Variants in CTNNA3 observed in about 807,000 individuals in gnomAD.
CTNNA3 encodes the protein catenin alpha-3.
In CTNNA3, 76 loss-of-function variants were observed where a neutral mutation model predicts 95.7. The ratio of observed to expected loss-of-function variants is 0.79; its 90% CI spans 0.66 to 0.96. The LOEUF (loss-of-function observed/expected upper bound fraction) is 0.96, where lower values mean the gene tolerates loss of function less well. Ranked by LOEUF, CTNNA3 falls within the 40% of genes least tolerant of loss-of-function variation. The probability of loss-of-function intolerance (pLI) is 0.00; values close to 1 mark genes in which losing one functional copy is unlikely to be tolerated. For synonymous variants in CTNNA3, 431 were observed against 374.4 expected (o/e 1.15, Z -1.74); for missense variants, 1,191 against 1,089.8 (o/e 1.09, Z -1.31).
At chr10:66,812,827 AT>A (rs1293889731) in intron 7 of CTNNA3, among the ~76,000 whole-genome samples, 2 of 152,122 alleles carry the variant, frequency 1.3e-5, no homozygotes, top group Non-Finnish European at 2.9e-5. Flanking sequence ...ATTTATCACA[AT>A]TTTTTTATCT....
rs561571648 is a variant in CTNNA3 at position 67,743,346 on chromosome 10, C to T, written c.-2+20088G>A. ...TCCCTGGGATGCAAGGCTGGTTCAA[C>T]ATACGCAAATCAATAAATGTAATCC... On this transcript the variant is annotated intron_variant, in intron 1 of 17. Coordinates refer to the CTNNA3 transcript ENST00000684154. 3.2e-3 allele frequency among the ~76,000 whole-genome samples: 488 copies of T among 151,198 alleles called. 9 individuals carry two copies. The highest frequency in any genetic ancestry group is 0.011 in the African/African-American group (441 of 41,294).
chr10:66,612,094 A>T (rs867783685), intron 10 of CTNNA3, among the ~76,000 whole-genome samples: 5 of 152,276 alleles, frequency 3.3e-5, no homozygotes, highest in African/African-American at 1.2e-4. Flanking sequence ...TTTCCCAGGT[A>T]CTAGGCTATA....
intron 15 of CTNNA3, among the ~76,000 whole-genome samples, chr10:66,055,526 G>T (rs1323478415): frequency 6.6e-6 from 1 of 151,908 alleles, no homozygotes; most frequent in Non-Finnish European, 1.5e-5. Flanking sequence ...GCTTGCTGTT[G>T]TTATATAGAA....
At chr10:67,539,708 T>G (rs775652148) in intron 3 of CTNNA3, 39 bp from the exon 4 acceptor site, 4 of 1,575,804 alleles carry the variant, frequency 2.5e-6, no homozygotes, top group South Asian at 1.1e-5. Context: ...ACTTTAAGTT[T>G]CAACTATGCC....
chr10:65,968,313 C>T (rs1026720498), intron 16 of CTNNA3, among the ~76,000 whole-genome samples: 1 of 152,026 alleles, frequency 6.6e-6, no homozygotes, highest in African/African-American at 2.4e-5. Context: ...GAAGTTAATG[C>T]TGCAGTGAGC....
intron 7 of CTNNA3, among the ~76,000 whole-genome samples, chr10:66,897,358 G>C (rs1393970830): frequency 6.6e-6 from 1 of 151,926 alleles, no homozygotes; most frequent in Non-Finnish European, 1.5e-5. Context: ...AACAAGATAA[G>C]TTACACTTCT....
At chr10:66,024,332 G>A (rs925260565) in intron 15 of CTNNA3, among the ~76,000 whole-genome samples, 3 of 151,892 alleles carry the variant, frequency 2.0e-5, no homozygotes, top group African/African-American at 7.3e-5. Context: ...CTCGTGATCC[G>A]CCCACCTCGG....
At chr10:67,617,347 A>G (rs1203434453) in intron 2 of CTNNA3, among the ~76,000 whole-genome samples, 1 of 152,066 alleles carries the variant, frequency 6.6e-6, no homozygotes, top group Non-Finnish European at 1.5e-5. Context: ...GTGAGCACAC[A>G]AGTGGTATTT....
At chr10:66,852,066 G>A (rs527632674) in intron 7 of CTNNA3, among the ~76,000 whole-genome samples, 3 of 152,176 alleles carry the variant, frequency 2.0e-5, no homozygotes, top group South Asian at 2.1e-4. Context: ...ACAGTGTCAC[G>A]ATAAAGGTCA....
intron 7 of CTNNA3, among the ~76,000 whole-genome samples, chr10:67,015,951 TTC>T (rs1432757969): frequency 6.6e-6 from 1 of 152,182 alleles, no homozygotes; most frequent in Non-Finnish European, 1.5e-5. Context: ...TCTATTTTAT[TTC>T]TGTCATTTTT....
intron 7 of CTNNA3, among the ~76,000 whole-genome samples, chr10:67,171,194 T>C (rs1862001898): frequency 6.6e-6 from 1 of 152,208 alleles, no homozygotes; most frequent in African/African-American, 2.4e-5. Context: ...GGTCATGGTT[T>C]TTGTACCATT....
intron 9 of CTNNA3, among the ~76,000 whole-genome samples, chr10:66,743,579 T>C (rs1025138312): frequency 1.7e-4 from 26 of 152,136 alleles, no homozygotes; most frequent in African/African-American, 5.6e-4. Flanking sequence ...ATCCACCTAA[T>C]TGGATTGTAA....
intron 10 of CTNNA3, among the ~76,000 whole-genome samples, chr10:66,579,468 A>C (rs188781369): frequency 2.0e-5 from 3 of 151,514 alleles, no homozygotes; most frequent in East Asian, 1.9e-4. Flanking sequence ...GGAGATTTCA[A>C]CTCCTACCAC....
At chr10:66,310,164 T>A (rs964375865) in intron 12 of CTNNA3, among the ~76,000 whole-genome samples, 5 of 151,766 alleles carry the variant, frequency 3.3e-5, no homozygotes, top group African/African-American at 1.2e-4. Flanking sequence ...TCAATGGCCT[T>A]TTTTAGAATA....
intron 7 of CTNNA3, among the ~76,000 whole-genome samples, chr10:66,965,565 GTTT>G (rs33920200): frequency 0.18 from 24,455 of 134,648 alleles, 2,192 homozygotes; most frequent in Middle Eastern, 0.21. Context: ...AAAAAAAGCT[GTTT>G]TTTTTTTTTT....
chr10:67,244,457 G>A (rs1865834083), intron 5 of CTNNA3, among the ~76,000 whole-genome samples: 1 of 152,110 alleles, frequency 6.6e-6, no homozygotes, highest in Non-Finnish European at 1.5e-5. Flanking sequence ...GGAAAACAGA[G>A]GTAACTTAGG....
chr10:66,888,628 G>C (rs1845141234), intron 7 of CTNNA3, among the ~76,000 whole-genome samples: 1 of 151,968 alleles, frequency 6.6e-6, no homozygotes, highest in African/African-American at 2.4e-5. Flanking sequence ...CTGTGGAAAA[G>C]ATGCTTCACA....
intron 2 of CTNNA3, among the ~76,000 whole-genome samples, chr10:67,627,699 T>A (rs1043083598): frequency 2.0e-5 from 3 of 152,096 alleles, no homozygotes; most frequent in African/African-American, 4.8e-5. Context: ...TATATCTGTA[T>A]CTGTTAATGA....
At chr10:66,245,355 G>A (rs1442033050) in intron 13 of CTNNA3, among the ~76,000 whole-genome samples, 1 of 152,158 alleles carries the variant, frequency 6.6e-6, no homozygotes, top group African/African-American at 2.4e-5. Flanking sequence ...GAGCTCCCAG[G>A]TCTGGGATCC....
Sources: gnomAD v4.1 joint callset for allele counts (sites outside exome capture counted in the v4.1 genomes callset) on GRCh38, gnomAD v4.1.1 for gene constraint, MANE v1.5 for transcripts, NCBI Gene and HGNC (gene_info 2026-07-23, HGNC 2026-07-21) for gene names.